The following CCDC146 variants were observed in gnomAD, a reference collection of about 807,000 sequenced individuals.
CCDC146 encodes coiled-coil domain-containing protein 146.
A neutral mutation model predicts 119.3 loss-of-function variants in CCDC146; 92 were observed. That is an observed-to-expected ratio of 0.77 (90% CI 0.65 to 0.92). The LOEUF (loss-of-function observed/expected upper bound fraction) is 0.92, where lower values mean the gene tolerates loss of function less well. Ranked by LOEUF, CCDC146 falls within the 40% of genes least tolerant of loss-of-function variation. The pLI is 0.00. For missense variants in CCDC146, 1,000 were observed against 1,103.0 expected, an observed-to-expected ratio of 0.91 and a Z score of 1.32; for synonymous variants, 372 against 371.8, an observed-to-expected ratio of 1.00 and a Z score of -0.01.
At chr7:77,135,781 TA>T (rs1790852934) in intron 1 of CCDC146, among the ~76,000 whole-genome samples, 2 of 152,228 alleles carry the variant, frequency 1.3e-5, no homozygotes, top group South Asian at 4.1e-4. Context: ...AAATCTACTT[TA>T]AATATAAGAC....
At chr7:77,195,168 C>G (rs2150429111) in intron 2 of CCDC146, 1 of 151,264 alleles carries the variant, frequency 6.6e-6, no homozygotes, top group East Asian at 2.0e-4. Flanking sequence ...CCCTACCCAC[C>G]CCCCCCAAAA....
intron 2 of CCDC146, among the ~76,000 whole-genome samples, chr7:77,202,111 C>T (rs1452694196): frequency 6.6e-6 from 1 of 152,250 alleles, no homozygotes; most frequent in African/African-American, 2.4e-5. Context: ...CAGGCACTTT[C>T]ATTCATTTAT....
intron 2 of CCDC146, chr7:77,195,174 C>CCA (rs1791843863): frequency 6.6e-6 from 1 of 151,240 alleles, no homozygotes. Context: ...CCACCCCCCC[C>CCA]AAAAAAACCT....
intron 2 of CCDC146, among the ~76,000 whole-genome samples, chr7:77,210,851 G>A (rs911209046): frequency 6.6e-6 from 1 of 152,088 alleles, no homozygotes; most frequent in Non-Finnish European, 1.5e-5. Context: ...TGTGAAAGGG[G>A]AGGTGCTACA....
At chr7:77,187,507 G>C (rs563275449) in intron 2 of CCDC146, among the ~76,000 whole-genome samples, 1 of 152,310 alleles carries the variant, frequency 6.6e-6, no homozygotes, top group East Asian at 1.9e-4. Context: ...GTGAGAGTGT[G>C]ACCAAAACTT....
At chr7:77,186,254 GATGA>G (rs1791664896) in intron 2 of CCDC146, among the ~76,000 whole-genome samples, 1 of 151,996 alleles carries the variant, frequency 6.6e-6, no homozygotes, top group Non-Finnish European at 1.5e-5. Context: ...GTGTCCAACA[GATGA>G]ATGAATAAAG....
chr7:77,213,740 C>T (rs1002861823), intron 2 of CCDC146, among the ~76,000 whole-genome samples: 1 of 152,134 alleles, frequency 6.6e-6, no homozygotes, highest in Non-Finnish European at 1.5e-5. Flanking sequence ...TTTGTTTCTG[C>T]ATTCATTCAC....
At chr7:77,255,901 C>T (rs1793169429) in intron 5 of CCDC146, among the ~76,000 whole-genome samples, 2 of 152,106 alleles carry the variant, frequency 1.3e-5, no homozygotes, top group African/African-American at 4.8e-5. Context: ...GTCTTTAGTT[C>T]CCATGTGACT....
chr7:77,140,746 A>G (rs1584019119), intron 1 of CCDC146, among the ~76,000 whole-genome samples: 1 of 152,210 alleles, frequency 6.6e-6, no homozygotes, highest in East Asian at 1.9e-4. Flanking sequence ...TAAGTAGGGG[A>G]AAATACCATA....
intron 2 of CCDC146, chr7:77,193,677 A>T (rs1424022724): frequency 1.3e-5 from 2 of 152,150 alleles, no homozygotes; most frequent in East Asian, 3.8e-4. Context: ...TACTATTATC[A>T]GTAAAATTTG....
At chr7:77,251,720 C>A (rs1053938292) in intron 4 of CCDC146, among the ~76,000 whole-genome samples, 5 of 152,150 alleles carry the variant, frequency 3.3e-5, no homozygotes, top group African/African-American at 1.2e-4. Context: ...ACCTTTGGAG[C>A]TGTGATTCTC....
At chr7:77,226,073 A>G (rs1468517391) in intron 2 of CCDC146, among the ~76,000 whole-genome samples, 1 of 152,162 alleles carries the variant, frequency 6.6e-6, no homozygotes, top group Non-Finnish European at 1.5e-5. Flanking sequence ...GTGGCCTAAT[A>G]TTTTCTGTGA....
At chr7:77,270,518 T>A (rs1019975040) in intron 9 of CCDC146, among the ~76,000 whole-genome samples, 1 of 152,198 alleles carries the variant, frequency 6.6e-6, no homozygotes, top group South Asian at 2.1e-4. Context: ...AGAACTTTGA[T>A]ACTTGATAGT....
chr7:77,182,529 T>A (rs1204885671), intron 2 of CCDC146, among the ~76,000 whole-genome samples: 1 of 152,088 alleles, frequency 6.6e-6, no homozygotes, highest in Non-Finnish European at 1.5e-5. Flanking sequence ...CCCAGCACTT[T>A]GGAAGGCCCA....
intron 16 of CCDC146, 85 bp downstream of exon 16, chr7:77,287,011 C>A: frequency 1.4e-6 from 2 of 1,383,470 alleles, no homozygotes; most frequent in Non-Finnish European, 2.0e-6. Flanking sequence ...TCATGTTATG[C>A]TGACAGACCT....
chr7:77,287,121 G>A, intron 16 of CCDC146, 195 bp downstream of exon 16: 1 of 685,904 alleles, frequency 1.5e-6, no homozygotes, highest in Non-Finnish European at 2.4e-6. Flanking sequence ...TTCCAATCCA[G>A]TGGTTTCGAG....
At chr7:77,206,861 T>TA (rs1792091608) in intron 2 of CCDC146, among the ~76,000 whole-genome samples, 1 of 152,016 alleles carries the variant, frequency 6.6e-6, no homozygotes, top group Non-Finnish European at 1.5e-5. Flanking sequence ...TTATTCATAA[T>TA]AATAGTGTTG....
intron 14 of CCDC146, chr7:77,282,278 T>C (rs1210953997): frequency 3.1e-6 from 1 of 327,026 alleles, no homozygotes; most frequent in African/African-American, 2.1e-5. Flanking sequence ...AATGACATTC[T>C]TTCCCACCCC....
chr7:77,261,620 GGCGCCCGCCACC>G, intron 8 of CCDC146, among the ~76,000 whole-genome samples: 1 of 152,056 alleles, frequency 6.6e-6, no homozygotes, highest in African/African-American at 2.4e-5. Context: ...TGGGACTACA[GGCGCCCGCCACC>G]GCGCCCGGCT....
Sources: gnomAD v4.1 joint callset for allele counts (sites outside exome capture counted in the v4.1 genomes callset) on GRCh38, gnomAD v4.1.1 for gene constraint, MANE v1.5 for transcripts, NCBI Gene and HGNC (gene_info 2026-07-23, HGNC 2026-07-21) for gene names.